SMAP1: variants seen among roughly 807,000 people sequenced by gnomAD.
SMAP1 encodes stromal membrane-associated protein 1.
SMAP1 carries 24 observed loss-of-function variants against 58.5 expected under a neutral mutation model. That is an observed-to-expected ratio of 0.41 (90% confidence interval 0.30 to 0.58). SMAP1 has a LOEUF of 0.58. Among genes scored for constraint, SMAP1 ranks in the 20% least tolerant of loss-of-function variants. SMAP1 has a pLI of 0.29. For missense variants in SMAP1, 563 were observed against 566.3 expected, an observed-to-expected ratio of 0.99 and a Z score of 0.06; for synonymous variants, 216 against 196.6, an observed-to-expected ratio of 1.10 and a Z score of -0.82.
intron 2 of SMAP1, among the ~76,000 whole-genome samples, chr6:70,746,853 T>C (rs1766064276): frequency 6.6e-6 from 1 of 152,216 alleles, no homozygotes; most frequent in Admixed American, 6.6e-5. Context: ...TTTCAGAGGC[T>C]GATTTAAGTC....
In SMAP1 at chr6:70,860,322, A is replaced by G. The variant is rs1582329546; in HGVS notation, c.1392A>G (p.Gln464=). The change falls in exon 11 of 11, where the codon CAA becomes CAG. Residue 464 remains glutamine (Q), a synonymous_variant. Transcript: ENST00000370455. The part of the protein sequence containing the change: ...GSSSGQTLST[Q]LWK ...CATCAGGTCAGACTCTCAGCACACAACTGTGGAAATGAAAACTGCAATACA... is the reference window on the plus strand; with the variant it reads ...CATCAGGTCAGACTCTCAGCACACAGCTGTGGAAATGAAAACTGCAATACA... 2.5e-6 allele frequency: 4 copies of G among 1,607,576 alleles called. No homozygotes were observed. The highest frequency in any genetic ancestry group is 3.4e-6 in the Non-Finnish European group (4 of 1,178,284).
At chr6:70,785,648 C>G (rs1004308148) in intron 4 of SMAP1, among the ~76,000 whole-genome samples, 9 of 152,278 alleles carry the variant, frequency 5.9e-5, no homozygotes, top group South Asian at 2.1e-4. Flanking sequence ...GAAATACAAA[C>G]TACCATCAGA....
chr6:70,690,217 G>C (rs1229296069), intron 1 of SMAP1, among the ~76,000 whole-genome samples: 1 of 152,132 alleles, frequency 6.6e-6, no homozygotes, highest in African/African-American at 2.4e-5. Context: ...TTTGTTGCTA[G>C]GTTGCTGAGA....
At chr6:70,700,778 A>G (rs1186143285) in intron 1 of SMAP1, among the ~76,000 whole-genome samples, 1 of 152,228 alleles carries the variant, frequency 6.6e-6, no homozygotes, top group African/African-American at 2.4e-5. Context: ...CTACTTGGCT[A>G]CTAGCAAGTA....
chr6:70,706,068 A>G (rs1347930147), intron 1 of SMAP1, among the ~76,000 whole-genome samples: 1 of 152,196 alleles, frequency 6.6e-6, no homozygotes, highest in African/African-American at 2.4e-5. Context: ...TAGGAAGAGA[A>G]GAAAGTTTTG....
intron 2 of SMAP1, among the ~76,000 whole-genome samples, chr6:70,733,796 C>T (rs1437964585): frequency 6.6e-6 from 1 of 152,038 alleles, no homozygotes; most frequent in Non-Finnish European, 1.5e-5. Context: ...TTTTTAATGG[C>T]TTATTTCAAA....
At chr6:70,712,903 T>C (rs897015606) in intron 1 of SMAP1, among the ~76,000 whole-genome samples, 25 of 151,744 alleles carry the variant, frequency 1.6e-4, no homozygotes, top group African/African-American at 5.6e-4. Context: ...AAGTGATTCT[T>C]TCCTCAGCCT....
At chr6:70,829,690 A>T (rs1770280992) in intron 6 of SMAP1, among the ~76,000 whole-genome samples, 1 of 152,230 alleles carries the variant, frequency 6.6e-6, no homozygotes. Context: ...CTAAGATTCT[A>T]GGAATATTAA....
intron 1 of SMAP1, among the ~76,000 whole-genome samples, chr6:70,694,929 T>A (rs142721252): frequency 4.6e-5 from 7 of 152,360 alleles, no homozygotes; most frequent in Admixed American, 4.6e-4. Context: ...TTTCAATCCA[T>A]GAACATGGAA....
chr6:70,857,027 C>CCTGGTAATGAATT lies in SMAP1; in HGVS notation c.959_961+10dup. 6.3e-7 allele frequency: 1 copy of CCTGGTAATGAATT among 1,598,568 alleles called. No individual in the cohort carries two copies. The highest frequency in any genetic ancestry group is 8.5e-7 in the Non-Finnish European group (1 of 1,172,194). On this transcript the variant is annotated frameshift_variant, in exon 9 of 11. Coordinates refer to ENST00000370455, the MANE Select transcript of SMAP1 (RefSeq NM_001044305.3). LOFTEE classifies it high-confidence loss of function. ...AGGAACCATTCAACAGCAAAGTACT[C>CCTGGTAATGAATT]CTGGTAATGAATTTTGATATCTGCT...
At position 70,743,660 on chromosome 6, in the gene SMAP1, T is replaced by G. The variant is rs559743177; in HGVS notation, c.252+11149T>G. ...TTTGTGGAAGGATTTCTCATTATAA[T>G]TTGATCAAGCTAACAACATTTCTCA... On this transcript the variant is annotated intron_variant, in intron 2 of 10. Transcript: ENST00000370455. 2.6e-5 allele frequency among the ~76,000 whole-genome samples: 4 copies of G among 152,334 alleles called. No individual in the cohort carries two copies. In the South Asian group the frequency reaches 8.3e-4, roughly 32 times the overall value.
chr6:70,802,695 A>G (rs896746464), intron 6 of SMAP1, among the ~76,000 whole-genome samples: 2 of 152,152 alleles, frequency 1.3e-5, no homozygotes, highest in Non-Finnish European at 2.9e-5. Context: ...TATCTAGTTT[A>G]TTGAGAGTTT....
intron 10 of SMAP1, 63 bp downstream of exon 10, chr6:70,858,292 T>G (rs1771528044): frequency 9.8e-7 from 1 of 1,022,342 alleles, no homozygotes; most frequent in Non-Finnish European, 1.3e-6. Flanking sequence ...TAAATCTTTT[T>G]TTTTTTTTTT....
chr6:70,712,180 T>C (rs1472149785), intron 1 of SMAP1, among the ~76,000 whole-genome samples: 1 of 152,238 alleles, frequency 6.6e-6, no homozygotes, highest in Non-Finnish European at 1.5e-5. Flanking sequence ...TGTTCATTTA[T>C]TGAGATGATC....
At chr6:70,695,569 GAT>G (rs1767367895) in intron 1 of SMAP1, among the ~76,000 whole-genome samples, 1 of 152,100 alleles carries the variant, frequency 6.6e-6, no homozygotes, top group Non-Finnish European at 1.5e-5. Flanking sequence ...ATTCAATGTT[GAT>G]ATGATGTATC....
intron 1 of SMAP1, among the ~76,000 whole-genome samples, chr6:70,674,875 T>C (rs1301905864): frequency 6.6e-6 from 1 of 152,200 alleles, no homozygotes; most frequent in African/African-American, 2.4e-5. Context: ...CTCGGGAGAC[T>C]GAGGCAGGAG....
intron 2 of SMAP1, among the ~76,000 whole-genome samples, chr6:70,752,233 C>G (rs1333965): frequency 0.14 from 21,001 of 152,128 alleles, 1,535 homozygotes; most frequent in Middle Eastern, 0.23. Flanking sequence ...TCAGTTTCCT[C>G]TCTGTAAAGT....
intron 5 of SMAP1, 74 bp downstream of exon 5, chr6:70,791,843 T>C: frequency 8.0e-7 from 1 of 1,247,932 alleles, no homozygotes; most frequent in Non-Finnish European, 1.2e-6. Context: ...AGTGTGTCAT[T>C]CGGGAACACT....
At chr6:70,761,183 A>G (rs1326998685) in intron 3 of SMAP1, among the ~76,000 whole-genome samples, 1 of 152,072 alleles carries the variant, frequency 6.6e-6, no homozygotes, top group African/African-American at 2.4e-5. Context: ...GTTAAAAGAT[A>G]AAGCGTATAA....
Sources: allele counts gnomAD v4.1 joint callset (sites outside exome capture counted in the v4.1 genomes callset), GRCh38; gene constraint gnomAD v4.1.1; transcripts MANE v1.5; gene names NCBI Gene and HGNC (gene_info 2026-07-23, HGNC 2026-07-21).